The following AGO2 variants were observed in gnomAD, a reference collection of about 807,000 sequenced individuals.
The protein encoded by AGO2 is argonaute RISC catalytic component 2.
In AGO2, 5 loss-of-function variants were observed where a neutral mutation model predicts 102.3. That is an observed-to-expected ratio of 0.05 (90% CI 0.03 to 0.10). The LOEUF (loss-of-function observed/expected upper bound fraction) is 0.10. Among genes scored for constraint, AGO2 ranks in the 10% least tolerant of loss-of-function variants. The probability of loss-of-function intolerance (pLI) is 1.00; values close to 1 mark genes in which losing one functional copy is unlikely to be tolerated. For synonymous variants in AGO2, 449 were observed against 473.1 expected, an observed-to-expected ratio of 0.95 and a Z score of 0.66; for missense variants, 541 against 1,183.7, an observed-to-expected ratio of 0.46 and a Z score of 7.97.
rs571017163 is a variant in AGO2 at position 140,567,359 on chromosome 8, C to T, written c.337-4725G>A. The stretch of plus-strand genomic sequence containing the variant: ...CTCTCCAAGGGACAGGCACCGTGTG[C>T]GTCTGGGCTGCCAGCAGCAGGTGGT... On this transcript the variant is annotated intron_variant, in intron 3 of 18. Coordinates refer to ENST00000220592, the MANE Select transcript of AGO2 (RefSeq NM_012154.5). This position sits in a 1 kb window ranked among gnomAD's most constrained non-coding sequence, Gnocchi z 5.0. 5.3e-5 allele frequency among the ~76,000 whole-genome samples: 8 copies of T among 152,368 alleles called. No individual in the cohort carries two copies. Among genetic ancestry groups the T allele is most frequent in the South Asian group, 4.1e-4 (2 of 4,828 alleles).
At chr8:140,565,916 G>A (rs2073276648) in intron 3 of AGO2, among the ~76,000 whole-genome samples, 1 of 151,896 alleles carries the variant, frequency 6.6e-6, no homozygotes, top group South Asian at 2.1e-4. Context: ...CCATCTCTGT[G>A]CTCCCAGTTA....
Position 140,549,269 on chromosome 8 carries a change from G to A in AGO2, c.1433C>T (p.Ser478Leu). The A allele has an allele frequency of 6.2e-7, 1 of 1,610,796 alleles. No homozygotes were observed. The highest frequency in any genetic ancestry group is 1.1e-5 in the South Asian group (1 of 90,818). Residue 478 changes from serine to leucine, a missense_variant, in exon 12 of 19, where the codon TCG (serine) becomes TTG (leucine). Ser to Leu is a moderately radical substitution (Grantham distance 145). Around this residue, in one of 6 missense-constraint regions of AGO2, gnomAD observed 309 missense variants for 735.1 expected, o/e 0.42. Transcript: ENST00000220592. ...CTGGATGGGCATGCCGGCGTCTCTCGAGATCTTTCTGAGCTGCTCTGTGAA... is the reference window on the plus strand; with the variant it reads ...CTGGATGGGCATGCCGGCGTCTCTCAAGATCTTTCTGAGCTGCTCTGTGAA... The part of the protein sequence containing the change: ...KSFTEQLRKI[S>L]RDAGMPIQGQ...
At chr8:140,611,951 G>A (rs1240175852) in intron 1 of AGO2, among the ~76,000 whole-genome samples, 1 of 152,226 alleles carries the variant, frequency 6.6e-6, no homozygotes, top group East Asian at 1.9e-4. Flanking sequence ...TCGACCGGGC[G>A]CGGTGGCTCA....
At chr8:140,584,577 C>G (rs2073619336) in intron 2 of AGO2, among the ~76,000 whole-genome samples, 1 of 151,870 alleles carries the variant, frequency 6.6e-6, no homozygotes, top group Non-Finnish European at 1.5e-5. Context: ...ACAGCCTAGA[C>G]TGCCCATGTG....
intron 14 of AGO2, among the ~76,000 whole-genome samples, chr8:140,541,987 A>G (rs6578114): frequency 0.042 from 6,433 of 152,300 alleles, 185 homozygotes; most frequent in African/African-American, 0.082. Flanking sequence ...AATCAGTCCA[A>G]AGAAGGCAAT....
intron 6 of AGO2, among the ~76,000 whole-genome samples, chr8:140,559,078 C>T (rs2977487): frequency 0.2 from 29,793 of 151,938 alleles, 3,665 homozygotes; most frequent in African/African-American, 0.35. Flanking sequence ...CAAAAGAAAA[C>T]GCATCCTAGG....
Position 140,547,459 on chromosome 8 carries a change from G to A in AGO2, c.1748+9C>T, listed in dbSNP as rs910205952. The A allele has an allele frequency of 6.8e-6, 11 of 1,612,896 alleles. No individual in the cohort carries two copies. Among genetic ancestry groups the A allele is most frequent in the Middle Eastern group, 1.6e-4 (1 of 6,068 alleles). On this transcript the variant is annotated intron_variant, in intron 13 of 18. Transcript: ENST00000220592. ...GTCCGCAGGCGGAGGTAAAGGGGCC[G>A]GGCCTCACCTGCCCTGGGGCAGCAG...
At chr8:140,552,720 GCACATGCACGCGCGCGCGCGCA>G (rs2073019445) in intron 10 of AGO2, among the ~76,000 whole-genome samples, 5 of 146,270 alleles carry the variant, frequency 3.4e-5, no homozygotes, top group African/African-American at 1.2e-4. Context: ...ATGAACACAC[GCACATGCACGCGCGCGCGCGCA>G]CACACACACA....
chr8:140,545,243 C>A (rs1027466919), intron 13 of AGO2, among the ~76,000 whole-genome samples: 1 of 152,188 alleles, frequency 6.6e-6, no homozygotes, highest in Non-Finnish European at 1.5e-5. Flanking sequence ...CAGGCCCCTT[C>A]TAGTCAGACT....
chr8:140,567,348 G>GGCACCGT lies in AGO2; in HGVS notation c.337-4721_337-4715dup, dbSNP rs1437111624. On this transcript the variant is annotated intron_variant, in intron 3 of 18. Transcript: ENST00000220592. The surrounding 1 kb of genome is among the most constrained non-coding windows in gnomAD (Gnocchi z 5.0). ...GAGGCACATGGCTCTCCAAGGGACA[G>GGCACCGT]GCACCGTGTGCGTCTGGGCTGCCAG... 3.9e-5 allele frequency among the ~76,000 whole-genome samples: 6 copies of GGCACCGT among 152,252 alleles called. No individual in the cohort carries two copies. Among genetic ancestry groups the GGCACCGT allele is most frequent in the Admixed American group, 3.9e-4 (6 of 15,292 alleles).
chr8:140,552,725 T>C (rs914470281), intron 10 of AGO2, among the ~76,000 whole-genome samples: 2 of 121,824 alleles, frequency 1.6e-5, no homozygotes, highest in African/African-American at 6.3e-5. Flanking sequence ...CACACGCACA[T>C]GCACGCGCGC....
rs781305843 is a variant in AGO2, at chr8:140,562,575, G to A, written c.396C>T (p.Ile132=). The A allele has an allele frequency of 1.9e-6, 3 of 1,614,144 alleles. No homozygotes were observed. The highest frequency in any genetic ancestry group is 2.5e-6 in the Non-Finnish European group (3 of 1,180,036). The change falls in exon 4 of 19, where the codon ATC becomes ATT. Residue 132 remains isoleucine (I), a synonymous_variant. Transcript: ENST00000220592. ...EGKDRIFKVS[I]KWVSCVSLQA... ...GCAAGCTCACGCAGGACACCCACTT[G>A]ATGGACACCTTGAAGATGCGATCCT...
At chr8:140,585,057 T>G in intron 2 of AGO2, 62 bp downstream of exon 2, 1 of 1,482,558 alleles carries the variant, frequency 6.7e-7, no homozygotes, top group Non-Finnish European at 9.1e-7. Flanking sequence ...GTTGATTAGT[T>G]TAAATGCCGT....
rs1171028866 is a variant in AGO2, at chr8:140,594,526, AC to A, written c.23-9216del. 2.0e-5 allele frequency among the ~76,000 whole-genome samples: 3 copies of A among 152,014 alleles called. No individual in the cohort carries two copies. The East Asian group carries it at 5.8e-4, about 29-fold the overall frequency. On this transcript the variant is annotated intron_variant, in intron 1 of 18. Coordinates refer to ENST00000220592, the MANE Select transcript of AGO2 (RefSeq NM_012154.5). ...TTTTTGGCTGGGTGTGGTGTCTAAC[AC>A]CTGTAATCTCAGCACTTTGGGAGGC... is the stretch of plus-strand genomic sequence containing the variant.
At chr8:140,575,998 A>AAG (rs371754119) in intron 2 of AGO2, among the ~76,000 whole-genome samples, 1 of 152,116 alleles carries the variant, frequency 6.6e-6, no homozygotes, top group Non-Finnish European at 1.5e-5. Flanking sequence ...TCTTAAAAAA[A>AAG]AGAGAGAGAG....
At chr8:140,585,353 T>C (rs2073638970) in intron 1 of AGO2, 42 bp from the exon 2 acceptor site, 1 of 1,596,514 alleles carries the variant, frequency 6.3e-7, no homozygotes, top group East Asian at 2.2e-5. Flanking sequence ...GGGAGCAGGC[T>C]TGCTCTGCGG....
At chr8:140,629,028 T>A (rs904272985) in intron 1 of AGO2, among the ~76,000 whole-genome samples, 1 of 151,548 alleles carries the variant, frequency 6.6e-6, no homozygotes, top group Non-Finnish European at 1.5e-5. Flanking sequence ...GAGGCGGAGG[T>A]TGCAGTGGGT....
At chr8:140,588,490 A>C (rs2073693386) in intron 1 of AGO2, among the ~76,000 whole-genome samples, 1 of 151,792 alleles carries the variant, frequency 6.6e-6, no homozygotes, top group South Asian at 2.1e-4. Context: ...CAGAGACACT[A>C]AGTGAGCACA....
At chr8:140,548,026 C>T (rs1029707294) in intron 12 of AGO2, among the ~76,000 whole-genome samples, 3 of 152,210 alleles carry the variant, frequency 2.0e-5, no homozygotes, top group African/African-American at 7.2e-5. Flanking sequence ...AGGAAGGCCA[C>T]TTACACTGGC....
Sources: gnomAD v4.1 joint callset for allele counts (sites outside exome capture counted in the v4.1 genomes callset) on GRCh38, gnomAD v4.1.1 for gene constraint, gnomAD v4.1.1 regional missense constraint, Gnocchi (gnomAD v3.1) non-coding constraint, MANE v1.5 for transcripts, NCBI Gene and HGNC (gene_info 2026-07-23, HGNC 2026-07-21) for gene names.